The following CSMD2 variants were observed in gnomAD, a reference collection of about 807,000 sequenced individuals.
CSMD2 encodes CUB and Sushi multiple domains 2.
Under a neutral mutation model 398.5 loss-of-function variants are expected in CSMD2, and 130 were observed. The observed-to-expected ratio is 0.33, with a 90% CI of 0.28 to 0.38. CSMD2 has a LOEUF of 0.38. Ranked by LOEUF, CSMD2 falls within the 10% of genes least tolerant of loss-of-function variation. CSMD2 has a pLI of 1.00. For missense variants in CSMD2, 3,829 were observed against 4,764.9 expected, an observed-to-expected ratio of 0.80 and a Z score of 5.78; for synonymous variants, 1,828 against 1,908.5, an observed-to-expected ratio of 0.96 and a Z score of 1.10.
chr1:34,050,356 A>G (rs981063828), intron 2 of CSMD2, among the ~76,000 whole-genome samples: 3 of 152,166 alleles, frequency 2.0e-5, no homozygotes, highest in Non-Finnish European at 2.9e-5. Flanking sequence ...CAAAACTACC[A>G]TCCTTGGACT....
intron 62 of CSMD2, among the ~76,000 whole-genome samples, chr1:33,535,425 G>A (rs1655675572): frequency 6.6e-6 from 1 of 152,186 alleles, no homozygotes; most frequent in South Asian, 2.1e-4. Context: ...TGTAAAAGTA[G>A]TGTCATGCCA....
intron 2 of CSMD2, among the ~76,000 whole-genome samples, chr1:34,078,901 C>T (rs1169884512): frequency 6.6e-6 from 1 of 152,220 alleles, no homozygotes; most frequent in African/African-American, 2.4e-5. Flanking sequence ...CTTTTTCTTA[C>T]TCCCAGTCCA....
chr1:34,122,252 T>G (rs1263415370), intron 1 of CSMD2, among the ~76,000 whole-genome samples: 1 of 152,078 alleles, frequency 6.6e-6, no homozygotes, highest in Non-Finnish European at 1.5e-5. Flanking sequence ...TCCAGAACAG[T>G]GTCCAGCCCA....
intron 4 of CSMD2, among the ~76,000 whole-genome samples, chr1:33,930,964 G>A (rs1644294132): frequency 6.6e-6 from 1 of 152,202 alleles, no homozygotes; most frequent in South Asian, 2.1e-4. Context: ...CTCCAGCTGG[G>A]CACATGACAT....
chr1:33,934,734 G>A (rs1035117603), intron 4 of CSMD2, among the ~76,000 whole-genome samples: 3 of 151,522 alleles, frequency 2.0e-5, no homozygotes, highest in African/African-American at 4.9e-5. Context: ...GGTGGCTTAT[G>A]CCTGTAATCT....
Position 33,649,988 on chromosome 1 carries a change from A to T in CSMD2, c.4586+2335T>A, listed in dbSNP as rs145209162. On this transcript the variant is annotated intron_variant, in intron 28 of 70. Transcript: ENST00000373381. ...CTGGTGTCAGTTGCGGGGTCAACAC[A>T]CCATGGCTGGGTGACACGGTCTTCT... is the stretch of plus-strand genomic sequence containing the variant. Among the ~76,000 whole-genome samples, 5 of 152,200 alleles carry T rather than the reference A, an allele frequency of 3.3e-5. No individual in the cohort carries two copies. In the East Asian group the frequency reaches 9.7e-4, roughly 29 times the overall value.
intron 3 of CSMD2, among the ~76,000 whole-genome samples, chr1:33,948,654 C>T (rs1054950152): frequency 6.6e-6 from 1 of 152,186 alleles, no homozygotes; most frequent in Non-Finnish European, 1.5e-5. Context: ...TTCCATATAG[C>T]CTCTTTGGAT....
At chr1:33,638,959 C>T (rs967103286) in intron 29 of CSMD2, among the ~76,000 whole-genome samples, 5 of 152,190 alleles carry the variant, frequency 3.3e-5, no homozygotes, top group Admixed American at 6.5e-5. Flanking sequence ...GTTTTGTTCA[C>T]GGCCATATTC....
intron 6 of CSMD2, among the ~76,000 whole-genome samples, chr1:33,833,997 A>G (rs1659932405): frequency 6.7e-6 from 1 of 149,268 alleles, no homozygotes; most frequent in Admixed American, 6.7e-5. Flanking sequence ...AATGAAATAA[A>G]AGAGGATACA....
chr1:33,872,740 T>G (rs1051499707), intron 5 of CSMD2, among the ~76,000 whole-genome samples: 2 of 152,116 alleles, frequency 1.3e-5, no homozygotes, highest in African/African-American at 4.8e-5. Flanking sequence ...AATGAGGCCA[T>G]TGGACCCCTA....
intron 25 of CSMD2, among the ~76,000 whole-genome samples, chr1:33,691,747 T>C (rs893964042): frequency 6.6e-6 from 1 of 152,190 alleles, no homozygotes; most frequent in Admixed American, 6.6e-5. Context: ...GAACCTTCCA[T>C]GGCTCCCTCT....
At chr1:33,675,338 CA>C (rs1644670723) in intron 25 of CSMD2, among the ~76,000 whole-genome samples, 1 of 152,174 alleles carries the variant, frequency 6.6e-6, no homozygotes, top group South Asian at 2.1e-4. Flanking sequence ...CACCTCTATG[CA>C]AATAAACTAG....
intron 52 of CSMD2, 127 bp from the exon 53 acceptor site, chr1:33,567,968 G>A: frequency 8.6e-7 from 1 of 1,159,040 alleles, no homozygotes; most frequent in South Asian, 1.6e-5. Context: ...ATAGTGTTGA[G>A]GACTTGGCAC....
At chr1:33,790,661 G>A (rs74711659) in intron 11 of CSMD2, among the ~76,000 whole-genome samples, 3,575 of 149,826 alleles carry the variant, frequency 0.024, 168 homozygotes, top group African/African-American at 0.084. Flanking sequence ...CTGTTTGTCT[G>A]TCTATCTATC....
chr1:33,613,683 T>C (rs1294346741), intron 40 of CSMD2, among the ~76,000 whole-genome samples: 1 of 152,174 alleles, frequency 6.6e-6, no homozygotes, highest in East Asian at 1.9e-4. Flanking sequence ...AGACTGGCAT[T>C]CAGGGCTATG....
chr1:33,544,831 TTATATATA>T (rs56072818), intron 57 of CSMD2, among the ~76,000 whole-genome samples: 5 of 142,018 alleles, frequency 3.5e-5, no homozygotes, highest in Admixed American at 1.4e-4. Context: ...CACTGTGCAT[TTATATATA>T]TATATATATA....
intron 6 of CSMD2, among the ~76,000 whole-genome samples, chr1:33,841,653 C>T (rs1660867014): frequency 6.6e-6 from 1 of 151,506 alleles, no homozygotes; most frequent in Non-Finnish European, 1.5e-5. Context: ...AAAAAAAAAC[C>T]TTAAGGAACT....
At chr1:33,612,936 C>A (rs1291565077) in intron 40 of CSMD2, among the ~76,000 whole-genome samples, 1 of 152,222 alleles carries the variant, frequency 6.6e-6, no homozygotes, top group Non-Finnish European at 1.5e-5. Context: ...CTGTGCTTTC[C>A]ATTCCACTGC....
chr1:33,608,149 C>T lies in CSMD2; in HGVS notation c.6344-2679G>A, dbSNP rs111527060. Among the ~76,000 whole-genome samples, 137 of 149,730 alleles carry T rather than the reference C, an allele frequency of 9.1e-4. 2 individuals are homozygous for T. In the South Asian group the frequency reaches 0.016, roughly 17 times the overall value. ...AAGATGGGGGCTGGGGAATCAGGGGCGAGTGAGCCCAAGGCCAGGGCTCTG... is the reference window on the plus strand; with the variant it reads ...AAGATGGGGGCTGGGGAATCAGGGGTGAGTGAGCCCAAGGCCAGGGCTCTG... On this transcript the variant is annotated intron_variant, in intron 41 of 70. Transcript: ENST00000373381.
Sources: gnomAD v4.1 joint callset for allele counts (sites outside exome capture counted in the v4.1 genomes callset) on GRCh38, gnomAD v4.1.1 for gene constraint, MANE v1.5 for transcripts, NCBI Gene and HGNC (gene_info 2026-07-23, HGNC 2026-07-21) for gene names.